The following XKR5 variants were observed in gnomAD, a reference collection of about 807,000 sequenced individuals.
XKR5 encodes the protein XK related 5, also known as XK-related protein 5.
Under a neutral mutation model 40.8 loss-of-function variants are expected in XKR5, and 46 were observed. That is an observed-to-expected ratio of 1.13 (90% CI 0.89 to 1.44). XKR5 has a LOEUF of 1.44. Ranked by LOEUF, XKR5 falls within the 40% of genes most tolerant of loss-of-function variation. The pLI is 0.00. For synonymous variants in XKR5, 466 were observed against 356.1 expected, an observed-to-expected ratio of 1.31 and a Z score of -3.48; for missense variants, 1,169 against 844.7, an observed-to-expected ratio of 1.38 and a Z score of -4.76.
At chr8:6,826,360 G>C (rs946443980) in intron 2 of XKR5, among the ~76,000 whole-genome samples, 4 of 152,028 alleles carry the variant, frequency 2.6e-5, no homozygotes, top group African/African-American at 9.7e-5. Flanking sequence ...TGTAGTGTGG[G>C]TGTATGAACA....
At chr8:6,834,796 G>A (rs936821786) in intron 1 of XKR5, among the ~76,000 whole-genome samples, 1 of 149,388 alleles carries the variant, frequency 6.7e-6, no homozygotes, top group African/African-American at 2.6e-5. Context: ...GCGAAAAATG[G>A]GGCCATCTTG....
intron 6 of XKR5, 52 bp from the exon 7 acceptor site, chr8:6,812,391 T>A: frequency 1.4e-6 from 2 of 1,470,248 alleles, no homozygotes; most frequent in Non-Finnish European, 1.8e-6. Flanking sequence ...GTCTGCATCC[T>A]CCCTCTGGTG....
At chr8:6,814,239 C>A (rs1803861912) in intron 6 of XKR5, among the ~76,000 whole-genome samples, 1 of 152,152 alleles carries the variant, frequency 6.6e-6, no homozygotes, top group South Asian at 2.1e-4. Context: ...AAAGGATGAA[C>A]CAGATGCCCG....
intron 4 of XKR5, among the ~76,000 whole-genome samples, chr8:6,823,056 G>C (rs990136048): frequency 1.3e-5 from 2 of 152,184 alleles, no homozygotes; most frequent in African/African-American, 4.8e-5. Context: ...CTCTGCTCCA[G>C]ATTTAGCTGG....
Position 6,810,922 on chromosome 8 carries a change from A to G in XKR5, c.*276T>C, listed in dbSNP as rs1389949845. The G allele has an allele frequency of 3.3e-6, 1 of 302,096 alleles. No homozygotes were observed. Among genetic ancestry groups the G allele is most frequent in the Non-Finnish European group, 6.1e-6 (1 of 164,552 alleles). 18.7% of individuals were successfully genotyped at this position (302,096 alleles called of 1,614,324 possible). On this transcript the variant is annotated 3_prime_UTR_variant, in exon 7 of 7. Coordinates refer to ENST00000618742, the MANE Select transcript of XKR5 (RefSeq NM_207411.5). The stretch of plus-strand genomic sequence containing the variant: ...GATAAAATAAGGGAACCTACAGCTC[A>G]TAAAAGGTAGCAGACAATTTTGACT...
At chr8:6,815,768 G>A in intron 6 of XKR5, 39 bp downstream of exon 6, 2 of 1,415,750 alleles carry the variant, frequency 1.4e-6, no homozygotes, top group Non-Finnish European at 1.9e-6. Flanking sequence ...AAATACGTTG[G>A]GGAGGGGATG....
intron 5 of XKR5, among the ~76,000 whole-genome samples, chr8:6,819,664 G>A (rs945447045): frequency 2.0e-5 from 3 of 152,194 alleles, no homozygotes; most frequent in African/African-American, 7.2e-5. Flanking sequence ...TGTCATCTCC[G>A]CCTTTTCTTC....
rs911821745 is a variant in XKR5 at position 6,811,227 on chromosome 8, T to C, written c.2032A>G (p.Met678Val). The C allele has an allele frequency of 9.8e-6, 15 of 1,537,198 alleles. No individual in the cohort carries two copies. Among genetic ancestry groups the C allele is most frequent in the Non-Finnish European group, 1.2e-5 (14 of 1,146,856 alleles). ...IQTDCSCREQ[M>V]KQEPSFFI ...ATGAAAAAACTCGGCTCTTGCTTCA[T>C]CTGTTCCCTGCAGCTGCAGTCCGTT... is the stretch of plus-strand genomic sequence containing the variant. Residue 678 changes from methionine (M) to valine (V), a missense_variant, in exon 7 of 7, where the codon ATG becomes GTG. Met to Val is a conservative substitution (Grantham distance 21). Transcript: ENST00000618742.
chr8:6,811,432 G>C lies in XKR5; in HGVS notation c.1827C>G (p.Gly609=). 2 of 1,536,930 alleles carry C rather than the reference G, an allele frequency of 1.3e-6. No homozygotes were observed. Among genetic ancestry groups the C allele is most frequent in the Non-Finnish European group, 1.7e-6 (2 of 1,146,706 alleles). ...SPILGTGPCR[G]FCPSAGFPGR... ...CAGGGAAGCCTGCACTGGGGCAGAA[G>C]CCTCTACATGGGCCTGTGCCTAGGA... Residue 609 remains glycine (G), a synonymous_variant, in exon 7 of 7, where the codon GGC becomes GGG. Transcript: ENST00000618742.
At chr8:6,833,348 C>T (rs1020405760) in intron 1 of XKR5, among the ~76,000 whole-genome samples, 11 of 152,246 alleles carry the variant, frequency 7.2e-5, no homozygotes, top group Non-Finnish European at 1.3e-4. Context: ...TGGTGACATT[C>T]CCCTGTGGCC....
At chr8:6,833,361 G>A (rs571690392) in intron 1 of XKR5, among the ~76,000 whole-genome samples, 61 of 152,358 alleles carry the variant, frequency 4.0e-4, no homozygotes, top group African/African-American at 1.5e-3. Context: ...CTGTGGCCCG[G>A]CATGGTGTGC....
intron 5 of XKR5, among the ~76,000 whole-genome samples, chr8:6,816,154 G>A (rs1462265627): frequency 1.3e-5 from 2 of 152,066 alleles, no homozygotes; most frequent in Admixed American, 6.6e-5. Flanking sequence ...AATCATAAAG[G>A]CCCAGGAAAT....
At chr8:6,813,347 C>G (rs771813186) in intron 6 of XKR5, among the ~76,000 whole-genome samples, 1 of 152,208 alleles carries the variant, frequency 6.6e-6, no homozygotes, top group African/African-American at 2.4e-5. Context: ...TGTCACCCTT[C>G]TTTTACAAGC....
chr8:6,821,728 A>C, intron 5 of XKR5, 141 bp downstream of exon 5: 1 of 685,504 alleles, frequency 1.5e-6, no homozygotes, highest in Non-Finnish European at 2.2e-6. Context: ...TTCTTTAAGA[A>C]TTTTTCTTAA....
chr8:6,822,185 G>T, intron 4 of XKR5, 147 bp from the exon 5 acceptor site: 1 of 757,982 alleles, frequency 1.3e-6, no homozygotes, highest in Non-Finnish European at 2.0e-6. Context: ...AGAGATTTGA[G>T]GGGGACAGAA....
intron 4 of XKR5, among the ~76,000 whole-genome samples, chr8:6,822,688 C>T (rs951939206): frequency 6.6e-6 from 1 of 152,192 alleles, no homozygotes; most frequent in Non-Finnish European, 1.5e-5. Context: ...AGAGTATATT[C>T]ACTGATGACC....
In XKR5 at chr8:6,810,597, G is replaced by A. The variant is rs1440549564; in HGVS notation, c.*601C>T. On this transcript the variant is annotated 3_prime_UTR_variant, in exon 7 of 7. Coordinates refer to ENST00000618742, the MANE Select transcript of XKR5 (RefSeq NM_207411.5). ...CTTAGCATGGGTGAGGCTGAGCTAA[G>A]TGAGTCTACCCTTCCTTTTTAAAAG... 1 of 152,306 alleles carries A rather than the reference G, an allele frequency of 6.6e-6. No homozygotes were observed. Among genetic ancestry groups the A allele is most frequent in the Non-Finnish European group, 1.5e-5 (1 of 68,114 alleles). The allele number at this position is 152,306 out of a possible 1,614,324, so 9.4% of individuals were successfully genotyped here. A position where few individuals can be genotyped will look rare whatever the true frequency, so the allele number is the denominator to read the frequency against.
intron 2 of XKR5, among the ~76,000 whole-genome samples, chr8:6,832,177 G>A (rs184421554): frequency 1.2e-4 from 18 of 152,210 alleles, no homozygotes; most frequent in Non-Finnish European, 2.2e-4. Context: ...CTCACCTGTC[G>A]TGATGGTCTA....
chr8:6,831,426 G>A (rs936676980), intron 2 of XKR5, among the ~76,000 whole-genome samples: 5 of 152,194 alleles, frequency 3.3e-5, no homozygotes, highest in African/African-American at 7.2e-5. Flanking sequence ...CAGTGAAACT[G>A]AGAGTGGGTG....
Sources: allele counts gnomAD v4.1 joint callset (sites outside exome capture counted in the v4.1 genomes callset), GRCh38; gene constraint gnomAD v4.1.1; transcripts MANE v1.5; gene names NCBI Gene and HGNC (gene_info 2026-07-23, HGNC 2026-07-21).